The following FCER2 variants were observed in gnomAD, a reference collection of about 807,000 sequenced individuals.
FCER2 encodes Fc epsilon receptor II, also known as low affinity immunoglobulin epsilon Fc receptor.
FCER2 carries 38 observed loss-of-function variants against 49.7 expected under a neutral mutation model. That is an observed-to-expected ratio of 0.76 (90% CI 0.59 to 1.00). FCER2 has a LOEUF of 1.00. FCER2 is among the 50% of genes least tolerant of loss of function. The probability of loss-of-function intolerance (pLI) is 0.00; values close to 1 mark genes in which losing one functional copy is unlikely to be tolerated. For missense variants in FCER2, 425 were observed against 419.5 expected, an observed-to-expected ratio of 1.01 and a Z score of -0.11; for synonymous variants, 163 against 164.6, an observed-to-expected ratio of 0.99 and a Z score of 0.07.
chr19:7,700,706 G>T (rs2033134422), intron 1 of FCER2, among the ~76,000 whole-genome samples: 1 of 152,036 alleles, frequency 6.6e-6, no homozygotes, highest in Admixed American at 6.6e-5. Context: ...GTAGAGACGG[G>T]TTTTCACTAT....
chr19:7,691,509 C>T (rs1240759157), intron 8 of FCER2, among the ~76,000 whole-genome samples: 1 of 151,926 alleles, frequency 6.6e-6, no homozygotes, highest in Non-Finnish European at 1.5e-5. Flanking sequence ...AGCAACACTT[C>T]AATCACCAAC....
At chr19:7,694,043 C>T (rs545472734) in intron 8 of FCER2, among the ~76,000 whole-genome samples, 8 of 151,602 alleles carry the variant, frequency 5.3e-5, no homozygotes, top group East Asian at 2.0e-4. Context: ...CCTCCTGCCT[C>T]GGCCTCCCAA....
At chr19:7,697,151 C>T in intron 6 of FCER2, 76 bp from the exon 7 acceptor site, 3 of 1,606,916 alleles carry the variant, frequency 1.9e-6, no homozygotes, top group Non-Finnish European at 2.6e-6. Flanking sequence ...AGCCTGGCCC[C>T]CCAGCCTCGT....
intron 6 of FCER2, 50 bp from the exon 7 acceptor site, chr19:7,697,125 C>G (rs778079414): frequency 6.2e-7 from 1 of 1,610,054 alleles, no homozygotes; most frequent in Non-Finnish European, 8.5e-7. Context: ...TGTGTACAGG[C>G]CGAGGGTGCC....
chr19:7,698,959 A>G, intron 2 of FCER2, 105 bp from the exon 3 acceptor site: 3 of 1,255,628 alleles, frequency 2.4e-6, no homozygotes, highest in Non-Finnish European at 3.3e-6. Flanking sequence ...GAGCTTGTCC[A>G]GAGCCCACAC....
At chr19:7,698,599 T>C in intron 3 of FCER2, 142 bp downstream of exon 3, 1 of 1,152,374 alleles carries the variant, frequency 8.7e-7, no homozygotes, top group Non-Finnish European at 1.2e-6. Flanking sequence ...GGGCTGGCAG[T>C]GGCAAGATGG....
intron 2 of FCER2, 97 bp from the exon 3 acceptor site, chr19:7,698,951 G>T: frequency 7.5e-7 from 1 of 1,338,542 alleles, no homozygotes; most frequent in Non-Finnish European, 1.0e-6. Context: ...CAGCCTGGGA[G>T]CTTGTCCAGA....
At chr19:7,692,485 A>G (rs78435972) in intron 8 of FCER2, among the ~76,000 whole-genome samples, 28,250 of 109,744 alleles carry the variant, frequency 0.26, 7,384 homozygotes, top group African/African-American at 0.45. Flanking sequence ...TCAACCACCA[A>G]CACCATCAGC....
Position 7,698,747 on chromosome 19 carries a change from G to A in FCER2, c.130C>T (p.Leu44=), listed in dbSNP as rs138454013. Residue 44 remains leucine, a synonymous_variant, in exon 3 of 11, where the codon CTG becomes TTG. Coordinates refer to ENST00000597921, the MANE Select transcript of FCER2 (RefSeq NM_001220500.2). ...LWAGLLTLLL[L]WHWDTTQSLK... Reference sequence around the variant, plus strand: ...GAGCTGGGGGTGTCCTCACGCCACAGGAGAAGCAGAGTCAGCAGCCCAGCC... The same window carrying A: ...GAGCTGGGGGTGTCCTCACGCCACAAGAGAAGCAGAGTCAGCAGCCCAGCC... 7.4e-6 allele frequency: 12 copies of A among 1,612,458 alleles called. No homozygotes were observed. Among genetic ancestry groups the A allele is most frequent in the African/African-American group, 1.3e-5 (1 of 74,844 alleles).
At chr19:7,701,041 C>T (rs2033142064) in intron 1 of FCER2, among the ~76,000 whole-genome samples, 1 of 151,712 alleles carries the variant, frequency 6.6e-6, no homozygotes, top group South Asian at 2.1e-4. Context: ...AACTCCTGAC[C>T]ACAGGTGATC....
chr19:7,700,898 C>A (rs190852010), intron 1 of FCER2, among the ~76,000 whole-genome samples: 1 of 152,098 alleles, frequency 6.6e-6, no homozygotes, highest in Non-Finnish European at 1.5e-5. Flanking sequence ...GCAACCTCCA[C>A]CTCCCGGGTT....
chr19:7,698,025 G>A (rs7249360), intron 4 of FCER2, among the ~76,000 whole-genome samples: 44,412 of 152,060 alleles, frequency 0.29, 7,248 homozygotes, highest in African/African-American at 0.45. Flanking sequence ...ACCAATATGC[G>A]TTTAGTGGAA....
rs2033087728 is a variant in FCER2, at chr19:7,698,816, C to T, written c.61G>A (p.Gly21Arg). ...AGCCCCAGCAGCACGATCTGAGTCC[C>T]ACGCCTGCAACACCGCCTCCTGGGA... is the stretch of plus-strand genomic sequence containing the variant. ...ELPRRRCCRR[G>R]TQIVLLGLVT... The change falls in exon 3 of 11, where the codon GGG (glycine) becomes AGG (arginine). Residue 21 changes from glycine (G) to arginine (R), a missense_variant. By Grantham distance (125) the Gly-to-Arg change is moderately radical (BLOSUM62 -2). Transcript: ENST00000597921. The T allele has an allele frequency of 1.2e-6, 2 of 1,611,598 alleles. No individual in the cohort carries two copies. Among genetic ancestry groups the T allele is most frequent in the South Asian group, 1.1e-5 (1 of 90,544 alleles).
chr19:7,693,085 C>T (rs1419678621), intron 8 of FCER2, among the ~76,000 whole-genome samples: 1 of 152,144 alleles, frequency 6.6e-6, no homozygotes, highest in Admixed American at 6.5e-5. Flanking sequence ...ACACCACAGC[C>T]AACACCATCT....
At chr19:7,698,460 C>A in intron 3 of FCER2, 51 bp from the exon 4 acceptor site, 1 of 1,375,366 alleles carries the variant, frequency 7.3e-7, no homozygotes, top group South Asian at 1.2e-5. Context: ...TCAGTGCCCC[C>A]ACCTGCCTGC....
chr19:7,690,450 C>G lies in FCER2; in HGVS notation c.577G>C (p.Asp193His), dbSNP rs748703601. 8.1e-6 allele frequency: 13 copies of G among 1,614,126 alleles called. No individual in the cohort carries two copies. Among genetic ancestry groups the G allele is most frequent in the Non-Finnish European group, 1.1e-5 (13 of 1,179,972 alleles). Residue 193 changes from aspartate to histidine, a missense_variant, in exon 9 of 11, where the codon GAC becomes CAC. Coordinates refer to ENST00000597921, the MANE Select transcript of FCER2 (RefSeq NM_001220500.2). ...QWVHARYACD[D>H]MEGQLVSIHS... ...ATGCTGACCAGCTGCCCTTCCATGT[C>G]GTCACAGGCATACCGGGCGTGGACC...
intron 8 of FCER2, among the ~76,000 whole-genome samples, chr19:7,696,074 C>T (rs894969190): frequency 2.6e-5 from 4 of 151,836 alleles, no homozygotes; most frequent in African/African-American, 7.3e-5. Context: ...GCTAGGATTA[C>T]GTATGCCCGC....
chr19:7,690,175 T>C lies in FCER2; in HGVS notation c.712A>G (p.Ser238Gly). 2.5e-6 allele frequency: 4 copies of C among 1,611,864 alleles called. No individual in the cohort carries two copies. The highest frequency in any genetic ancestry group is 3.4e-6 in the Non-Finnish European group (4 of 1,178,098). ...LKGEFIWVDG[S>G]HVDYSNWAPG... ...CCTCCTCACCTGTAGTCCACGTGGC[T>C]CCCATCCACCCAGATAAACTCCCCC... Residue 238 changes from serine to glycine, a missense_variant, in exon 10 of 11, where the codon AGC becomes GGC. Physicochemically the swap from Ser to Gly is moderately conservative, Grantham distance 56 (BLOSUM62 0). Coordinates refer to ENST00000597921, the MANE Select transcript of FCER2 (RefSeq NM_001220500.2).
At chr19:7,698,549 G>T in intron 3 of FCER2, 140 bp from the exon 4 acceptor site, 1 of 875,378 alleles carries the variant, frequency 1.1e-6, no homozygotes, top group Non-Finnish European at 1.8e-6. Flanking sequence ...AGGGATGCTG[G>T]GTGTGGGGTG....
Sources: gnomAD v4.1 joint callset for allele counts (sites outside exome capture counted in the v4.1 genomes callset) on GRCh38, gnomAD v4.1.1 for gene constraint, MANE v1.5 for transcripts, NCBI Gene and HGNC (gene_info 2026-07-23, HGNC 2026-07-21) for gene names.